The following CADM2 variants were observed in gnomAD, a reference collection of about 807,000 sequenced individuals.
The protein encoded by CADM2 is cell adhesion molecule 2.
Under a neutral mutation model 49.8 loss-of-function variants are expected in CADM2, and 12 were observed. The observed-to-expected ratio is 0.24, with a 90% CI of 0.15 to 0.39. CADM2 has a LOEUF of 0.39. CADM2 is among the 10% of genes least tolerant of loss of function. The pLI is 1.00. For synonymous variants in CADM2, 214 were observed against 175.4 expected (o/e 1.22, Z -1.74); for missense variants, 378 against 492.3 (o/e 0.77, Z 2.20).
intron 1 of CADM2, among the ~76,000 whole-genome samples, chr3:85,294,226 A>G (rs1466162813): frequency 1.3e-5 from 2 of 152,100 alleles, no homozygotes; most frequent in African/African-American, 2.4e-5. Context: ...GGAATCCAAC[A>G]TACAAGGGAT....
At chr3:85,227,949 T>C (rs2042198226) in intron 1 of CADM2, among the ~76,000 whole-genome samples, 1 of 152,226 alleles carries the variant, frequency 6.6e-6, no homozygotes, top group Non-Finnish European at 1.5e-5. Flanking sequence ...TCTTTAAGAA[T>C]GTTGAATATT....
intron 1 of CADM2, among the ~76,000 whole-genome samples, chr3:85,332,710 A>G (rs1027949829): frequency 1.3e-5 from 2 of 151,974 alleles, no homozygotes; most frequent in Non-Finnish European, 2.9e-5. Context: ...TAAATTCCAT[A>G]CATTTTAAGT....
intron 1 of CADM2, among the ~76,000 whole-genome samples, chr3:85,290,772 C>T (rs1010134435): frequency 6.6e-5 from 10 of 152,084 alleles, no homozygotes; most frequent in African/African-American, 2.4e-4. Context: ...GACATCCACA[C>T]CAAAAACCCA....
intron 8 of CADM2, chr3:85,993,539 C>T (rs1381075631): frequency 1.3e-5 from 2 of 152,110 alleles, no homozygotes; most frequent in East Asian, 3.9e-4. Flanking sequence ...GAATCATTTC[C>T]AGTAGGTTTT....
intron 1 of CADM2, among the ~76,000 whole-genome samples, chr3:85,497,995 A>C (rs2039972275): frequency 6.6e-6 from 1 of 151,938 alleles, no homozygotes; most frequent in African/African-American, 2.4e-5. Context: ...TTTATCTGTA[A>C]CCTCAATATT....
At chr3:85,974,839 T>A (rs189163556) in intron 8 of CADM2, among the ~76,000 whole-genome samples, 78 of 151,758 alleles carry the variant, frequency 5.1e-4, no homozygotes, top group Non-Finnish European at 1.0e-3. Context: ...GTTATTGAAA[T>A]ACCCCAAAAT....
intron 1 of CADM2, among the ~76,000 whole-genome samples, chr3:85,535,824 T>C (rs1166698466): frequency 6.6e-6 from 1 of 152,028 alleles, no homozygotes. Flanking sequence ...GAAATTAGCA[T>C]GGTTAGATGA....
chr3:84,964,962 G>A (rs1199836104), intron 1 of CADM2, among the ~76,000 whole-genome samples: 1 of 152,120 alleles, frequency 6.6e-6, no homozygotes, highest in East Asian at 1.9e-4. Flanking sequence ...CACATAAATA[G>A]TTCTTAATAT....
At chr3:85,171,569 C>G (rs1169237484) in intron 1 of CADM2, among the ~76,000 whole-genome samples, 1 of 152,136 alleles carries the variant, frequency 6.6e-6, no homozygotes, top group South Asian at 2.1e-4. Flanking sequence ...AGGTGAGACA[C>G]AGAAAGGCTT....
chr3:85,464,158 T>A (rs1236524794), intron 1 of CADM2, among the ~76,000 whole-genome samples: 1 of 152,156 alleles, frequency 6.6e-6, no homozygotes, highest in Non-Finnish European at 1.5e-5. Flanking sequence ...GCTTTATATA[T>A]TTATAAATGA....
intron 1 of CADM2, among the ~76,000 whole-genome samples, chr3:85,524,983 ACAT>A (rs2061126520): frequency 6.6e-6 from 1 of 152,090 alleles, no homozygotes; most frequent in African/African-American, 2.4e-5. Context: ...TGGGAGTGGA[ACAT>A]CACACATCAG....
In CADM2 at chr3:85,189,057, TAAATA is replaced by T. The variant is rs1381190092; in HGVS notation, c.61+229397_61+229401del. ...AAAAAATAATAATAGTAATAATAAATAAATAAAATAAATAAATAAATAAATAAATA... is the reference window on the plus strand; with the variant it reads ...AAAAAATAATAATAGTAATAATAAATAAATAAATAAATAAATAAATAAATA... On this transcript the variant is annotated intron_variant, in intron 1 of 9. Transcript: ENST00000383699. Among the ~76,000 whole-genome samples, 5 of 111,756 alleles carry T rather than the reference TAAATA, an allele frequency of 4.5e-5. No homozygotes were observed. In the East Asian group the frequency reaches 9.4e-4, roughly 21 times the overall value. 73.3% of individuals were successfully genotyped at this position (111,756 alleles called of 152,430 possible).
chr3:85,738,812 T>G (rs1002478696), intron 2 of CADM2, among the ~76,000 whole-genome samples: 18 of 152,186 alleles, frequency 1.2e-4, no homozygotes, highest in Non-Finnish European at 2.4e-4. Flanking sequence ...ATTTGTTCTA[T>G]TTTAAAATGT....
chr3:85,521,008 A>T (rs2061015716), intron 1 of CADM2, among the ~76,000 whole-genome samples: 1 of 152,160 alleles, frequency 6.6e-6, no homozygotes, highest in African/African-American at 2.4e-5. Context: ...TACAAAAATG[A>T]GTATTGCCAT....
chr3:85,412,084 C>A (rs950830090), intron 1 of CADM2, among the ~76,000 whole-genome samples: 1 of 152,034 alleles, frequency 6.6e-6, no homozygotes, highest in Non-Finnish European at 1.5e-5. Context: ...CACACTTTAG[C>A]GGACCAAAGT....
At chr3:85,064,557 T>C (rs187562580) in intron 1 of CADM2, among the ~76,000 whole-genome samples, 1 of 152,250 alleles carries the variant, frequency 6.6e-6, no homozygotes, top group East Asian at 1.9e-4. Flanking sequence ...TTTCATGGGT[T>C]TGTGATCATA....
chr3:85,326,825 G>T (rs72903230), intron 1 of CADM2, among the ~76,000 whole-genome samples: 5,495 of 152,130 alleles, frequency 0.036, 347 homozygotes, highest in African/African-American at 0.12. Context: ...ATTATATGGT[G>T]GGTAGGTGGT....
intron 8 of CADM2, among the ~76,000 whole-genome samples, chr3:85,998,926 T>A (rs1729773499): frequency 6.6e-6 from 1 of 152,148 alleles, no homozygotes; most frequent in African/African-American, 2.4e-5. Flanking sequence ...TTTTAAAGAA[T>A]GAGAGATACC....
rs147799920 is a variant in CADM2, at chr3:85,301,757, T to C, written c.61+342089T>C. The stretch of plus-strand genomic sequence containing the variant: ...CACAGGCATTCTGCAAAGCAGCTCA[T>C]AGGGCTAGGAAAAATGTCTTATGAT... On this transcript the variant is annotated intron_variant, in intron 1 of 9. Transcript: ENST00000383699. Among the ~76,000 whole-genome samples the C allele has an allele frequency of 3.3e-3, 509 of 152,134 alleles. 3 individuals are homozygous for C. The highest frequency in any genetic ancestry group is 4.2e-3 in the Non-Finnish European group (285 of 67,964).
Sources: allele counts gnomAD v4.1 joint callset (sites outside exome capture counted in the v4.1 genomes callset), GRCh38; gene constraint gnomAD v4.1.1; transcripts MANE v1.5; gene names NCBI Gene and HGNC (gene_info 2026-07-23, HGNC 2026-07-21).